LCLAT1: variants seen among roughly 807,000 people sequenced by gnomAD.
LCLAT1 encodes lysocardiolipin acyltransferase 1.
A neutral mutation model predicts 30.7 loss-of-function variants in LCLAT1; 11 were observed. That is an observed-to-expected ratio of 0.36 (90% confidence interval 0.23 to 0.59). LCLAT1 has a LOEUF of 0.59. LCLAT1 is among the 20% of genes least tolerant of loss of function. The pLI is 0.77. For synonymous variants in LCLAT1, 155 were observed against 151.3 expected, an observed-to-expected ratio of 1.02 and a Z score of -0.18; for missense variants, 402 against 458.6, an observed-to-expected ratio of 0.88 and a Z score of 1.13.
At chr2:30,449,348 C>A (rs1281258311) in intron 1 of LCLAT1, among the ~76,000 whole-genome samples, 1 of 152,132 alleles carries the variant, frequency 6.6e-6, no homozygotes, top group African/African-American at 2.4e-5. Flanking sequence ...TGTTTGTGAT[C>A]TTGTGTAAAT....
intron 1 of LCLAT1, among the ~76,000 whole-genome samples, chr2:30,468,159 G>A (rs112367869): frequency 1.3e-5 from 2 of 152,176 alleles, no homozygotes; most frequent in Non-Finnish European, 2.9e-5. Context: ...TCTACATATG[G>A]CTAGCCAGTT....
At chr2:30,486,043 C>G (rs72793854) in intron 1 of LCLAT1, among the ~76,000 whole-genome samples, 2 of 152,198 alleles carry the variant, frequency 1.3e-5, no homozygotes, top group Non-Finnish European at 2.9e-5. Flanking sequence ...ATATTTAAAC[C>G]CTTATGGCTT....
intron 4 of LCLAT1, among the ~76,000 whole-genome samples, 163 bp from the exon 5 acceptor site, chr2:30,567,897 A>G (rs916729872): frequency 3.3e-5 from 5 of 152,148 alleles, no homozygotes; most frequent in Non-Finnish European, 7.3e-5. Context: ...GGATCTTGAT[A>G]ATGGACCATC....
chr2:30,522,906 T>C (rs1362366719), intron 1 of LCLAT1, among the ~76,000 whole-genome samples: 1 of 152,194 alleles, frequency 6.6e-6, no homozygotes, highest in Non-Finnish European at 1.5e-5. Context: ...AGGAAAGTCT[T>C]CTTAACTCTC....
chr2:30,493,143 C>G (rs1683915755), intron 1 of LCLAT1, among the ~76,000 whole-genome samples: 1 of 152,128 alleles, frequency 6.6e-6, no homozygotes, highest in South Asian at 2.1e-4. Context: ...GAGGTAGATA[C>G]TCAGTAAATT....
intron 1 of LCLAT1, among the ~76,000 whole-genome samples, chr2:30,490,378 A>T (rs1453330528): frequency 6.6e-6 from 1 of 150,906 alleles, no homozygotes; most frequent in African/African-American, 2.4e-5. Flanking sequence ...AATTTTTTGT[A>T]TTTTTTTTAG....
intron 5 of LCLAT1, among the ~76,000 whole-genome samples, chr2:30,637,102 G>C (rs2602797): frequency 0.074 from 11,218 of 152,262 alleles, 469 homozygotes; most frequent in Non-Finnish European, 0.09. Context: ...CAAGTTACAA[G>C]AGGTAAAGAC....
chr2:30,606,053 A>C, intron 5 of LCLAT1: 1 of 1,296,174 alleles, frequency 7.7e-7, no homozygotes, highest in Non-Finnish European at 1.0e-6. Context: ...GACCACTTCA[A>C]GGAGAACTAC....
chr2:30,525,842 C>T, intron 2 of LCLAT1, 87 bp downstream of exon 2: 1 of 1,153,368 alleles, frequency 8.7e-7, no homozygotes, highest in South Asian at 1.3e-5. Flanking sequence ...ATGTTCAAGT[C>T]CCTACAGTAT....
At chr2:30,543,294 C>G (rs1268873809) in intron 3 of LCLAT1, among the ~76,000 whole-genome samples, 1 of 152,026 alleles carries the variant, frequency 6.6e-6, no homozygotes, top group Admixed American at 6.6e-5. Flanking sequence ...GTAAACTAAC[C>G]TTACATTTCT....
chr2:30,553,074 G>C lies in LCLAT1; in HGVS notation c.365-9072G>C, dbSNP rs113515330. ...CAGCAGTGATAAATTTTACCCTATT[G>C]TTGAGATTGAGTTATTAGAGCATTA... On this transcript the variant is annotated intron_variant, in intron 3 of 5. Transcript: ENST00000379509. Among the ~76,000 whole-genome samples the C allele has an allele frequency of 8.7e-3, 1,329 of 152,100 alleles. 24 individuals carry two copies. The highest frequency in any genetic ancestry group is 0.031 in the African/African-American group (1,295 of 41,496).
chr2:30,604,934 C>T (rs1048114270), intron 5 of LCLAT1, among the ~76,000 whole-genome samples: 1 of 152,190 alleles, frequency 6.6e-6, no homozygotes, highest in Non-Finnish European at 1.5e-5. Context: ...AAGGCTGCCT[C>T]AAGGCATCTG....
chr2:30,524,314 CAATT>C (rs1029227365), intron 1 of LCLAT1, among the ~76,000 whole-genome samples: 22 of 152,082 alleles, frequency 1.4e-4, no homozygotes, highest in African/African-American at 5.3e-4. Context: ...CATAAAGAGT[CAATT>C]AAAGACCAAG....
intron 5 of LCLAT1, among the ~76,000 whole-genome samples, chr2:30,618,040 A>G (rs370326833): frequency 6.6e-6 from 1 of 152,108 alleles, no homozygotes. Flanking sequence ...TCAATGTCCT[A>G]TGTAAGAAAC....
At position 30,640,460 on chromosome 2, in the gene LCLAT1, A is replaced by G. The variant is rs753190855; in HGVS notation, c.972A>G (p.Leu324=). 4 of 1,613,902 alleles carry G rather than the reference A, an allele frequency of 2.5e-6. No homozygotes were observed. The highest frequency in any genetic ancestry group is 2.5e-6 in the Non-Finnish European group (3 of 1,179,850). Residue 324 remains leucine, a synonymous_variant, in exon 6 of 6, where the codon CTA becomes CTG. Coordinates refer to ENST00000379509, the MANE Select transcript of LCLAT1 (RefSeq NM_001002257.3). The stretch of plus-strand genomic sequence containing the variant: ...CCCTGTTCAGCCCTGCAATGTGCCT[A>G]CTCATATATTTGTACAGTCTTGTTA... ...YWTLFSPAMC[L]LIYLYSLVKW...
intron 1 of LCLAT1, among the ~76,000 whole-genome samples, chr2:30,508,241 C>T (rs183964087): frequency 1.3e-5 from 2 of 152,166 alleles, no homozygotes; most frequent in Non-Finnish European, 2.9e-5. Context: ...TGTCTGTTCA[C>T]TCTGTTGATA....
chr2:30,514,840 T>C (rs184078142), intron 1 of LCLAT1, among the ~76,000 whole-genome samples: 2 of 152,346 alleles, frequency 1.3e-5, no homozygotes, highest in African/African-American at 4.8e-5. Context: ...TGTATACTGA[T>C]TGAGTTCATG....
intron 5 of LCLAT1, among the ~76,000 whole-genome samples, chr2:30,630,956 GA>G (rs1395283355): frequency 6.6e-6 from 1 of 152,154 alleles, no homozygotes; most frequent in African/African-American, 2.4e-5. Context: ...TTCAAAAACA[GA>G]AAATGCCAAA....
At chr2:30,586,274 T>C (rs2148472552) in intron 5 of LCLAT1, among the ~76,000 whole-genome samples, 1 of 148,336 alleles carries the variant, frequency 6.7e-6, no homozygotes, top group Middle Eastern at 3.5e-3. Context: ...CCAGTAGGAA[T>C]TTATTCTCTC....
Sources: gnomAD v4.1 joint callset for allele counts (sites outside exome capture counted in the v4.1 genomes callset) on GRCh38, gnomAD v4.1.1 for gene constraint, MANE v1.5 for transcripts, NCBI Gene and HGNC (gene_info 2026-07-23, HGNC 2026-07-21) for gene names.